The following ZC3HAV1 variants were observed in gnomAD, a reference collection of about 807,000 sequenced individuals.
ZC3HAV1 encodes zinc finger CCCH-type containing, antiviral 1.
ZC3HAV1 carries 41 observed loss-of-function variants against 86.6 expected under a neutral mutation model. The observed-to-expected ratio is 0.47, with a 90% CI of 0.37 to 0.61. ZC3HAV1 has a LOEUF of 0.61. ZC3HAV1 is among the 20% of genes least tolerant of loss of function. The probability of loss-of-function intolerance (pLI) is 0.00; values close to 1 mark genes in which losing one functional copy is unlikely to be tolerated. For missense variants in ZC3HAV1, 964 were observed against 1,141.1 expected (o/e 0.84, Z 2.24); for synonymous variants, 421 against 432.1 (o/e 0.97, Z 0.32).
rs1339096592 is a variant in ZC3HAV1 at position 139,080,020 on chromosome 7, C to T, written c.921G>A (p.Arg307=). ...FTYLGSQDRA[R]PPSGSSKATD... is the part of the protein sequence containing the mutation. Reference sequence around the variant, plus strand: ...TAGCCTTGGACGAGCCTGAGGGAGGCCGAGCGCGATCCTGACTCCCCAGAT... The same window carrying T: ...TAGCCTTGGACGAGCCTGAGGGAGGTCGAGCGCGATCCTGACTCCCCAGAT... The change falls in exon 4 of 13, where the codon CGG becomes CGA. Residue 307 remains arginine, a synonymous_variant. Transcript: ENST00000242351. The T allele has an allele frequency of 1.2e-6, 2 of 1,614,050 alleles. No individual in the cohort carries two copies. The highest frequency in any genetic ancestry group is 1.7e-6 in the Non-Finnish European group (2 of 1,180,036).
At chr7:139,101,513 A>T (rs1449706322) in intron 1 of ZC3HAV1, among the ~76,000 whole-genome samples, 1 of 31,846 alleles carries the variant, frequency 3.1e-5, no homozygotes, top group African/African-American at 1.2e-4. Flanking sequence ...TGGGAGGTGT[A>T]CCCAACAGCT....
intron 3 of ZC3HAV1, 22 bp downstream of exon 3, chr7:139,083,758 T>TTGAAAA: frequency 1.3e-6 from 2 of 1,547,744 alleles, no homozygotes; most frequent in Non-Finnish European, 1.7e-6. Flanking sequence ...GTTCACACAA[T>TTGAAAA]TGAAAAAGAA....
intron 3 of ZC3HAV1, among the ~76,000 whole-genome samples, chr7:139,081,378 C>T (rs1312558373): frequency 1.3e-5 from 2 of 152,076 alleles, no homozygotes; most frequent in East Asian, 1.9e-4. Flanking sequence ...CAAACACCCT[C>T]CTCCTGTCAA....
At position 139,079,672 on chromosome 7, in the gene ZC3HAV1, C is replaced by A. The variant is rs929363583; in HGVS notation, c.1269G>T (p.Gln423His). 20 of 1,614,042 alleles carry A rather than the reference C, an allele frequency of 1.2e-5. No homozygotes were observed. Among genetic ancestry groups the A allele is most frequent in the Non-Finnish European group, 1.6e-5 (19 of 1,180,040 alleles). The change falls in exon 4 of 13, where the codon CAG becomes CAT. Residue 423 changes from glutamine to histidine, a missense_variant. Gln to His is a conservative substitution (Grantham distance 24). Transcript: ENST00000242351. The part of the protein sequence containing the change: ...INGKSGTQDI[Q>H]PGPLFNNNAD... ...CATTATTATTAAAAAGAGGGCCAGG[C>A]TGGATGTCCTGAGTTCCACTTTTGC...
intron 1 of ZC3HAV1, among the ~76,000 whole-genome samples, chr7:139,101,484 G>GTTC (rs1563142337): frequency 5.8e-5 from 6 of 103,888 alleles, no homozygotes; most frequent in African/African-American, 1.1e-4. Flanking sequence ...GAGCGCCTCA[G>GTTC]CCCGGCCACC....
intron 1 of ZC3HAV1, among the ~76,000 whole-genome samples, chr7:139,094,168 G>A (rs1817513003): frequency 6.6e-6 from 1 of 152,128 alleles, no homozygotes; most frequent in African/African-American, 2.4e-5. Flanking sequence ...CTAGACAGGA[G>A]GTCCATTAGA....
chr7:139,101,256 T>A (rs866188824), intron 1 of ZC3HAV1, among the ~76,000 whole-genome samples: 2 of 151,050 alleles, frequency 1.3e-5, no homozygotes, highest in Admixed American at 6.6e-5. Flanking sequence ...GCCTCTGCCC[T>A]GCCGCCACCC....
At chr7:139,075,728 C>T (rs1816922061) in intron 6 of ZC3HAV1, among the ~76,000 whole-genome samples, 1 of 147,568 alleles carries the variant, frequency 6.8e-6, no homozygotes, top group East Asian at 1.9e-4. Flanking sequence ...GCATGAGCAA[C>T]CACGCTCGGC....
At chr7:139,079,015 C>A in intron 4 of ZC3HAV1, 1 of 1,489,376 alleles carries the variant, frequency 6.7e-7, no homozygotes, top group African/African-American at 1.4e-5. Flanking sequence ...CCTTTAAGAA[C>A]TGGGGAACAT....
intron 11 of ZC3HAV1, 117 bp downstream of exon 11, chr7:139,053,848 G>T: frequency 9.0e-7 from 1 of 1,113,926 alleles, no homozygotes; most frequent in Non-Finnish European, 1.2e-6. Context: ...AAAAAGACTA[G>T]CGCCTAAAGG....
intron 6 of ZC3HAV1, among the ~76,000 whole-genome samples, chr7:139,075,317 T>A (rs575478123): frequency 6.6e-6 from 1 of 152,178 alleles, no homozygotes; most frequent in Non-Finnish European, 1.5e-5. Flanking sequence ...TAATGTAACT[T>A]TTCCCCCTTA....
At chr7:139,053,908 A>G in intron 11 of ZC3HAV1, 57 bp downstream of exon 11, 2 of 1,570,906 alleles carry the variant, frequency 1.3e-6, no homozygotes, top group Non-Finnish European at 1.7e-6. Context: ...CAAAGGACGG[A>G]TATTAACTAA....
chr7:139,095,256 A>T (rs1333144213), intron 1 of ZC3HAV1, among the ~76,000 whole-genome samples: 2 of 151,986 alleles, frequency 1.3e-5, no homozygotes, highest in Admixed American at 6.6e-5. Flanking sequence ...CGAGGCTCCT[A>T]CTCCCCATAT....
intron 1 of ZC3HAV1, among the ~76,000 whole-genome samples, chr7:139,104,766 G>A (rs141343772): frequency 4.1e-4 from 61 of 149,176 alleles, no homozygotes; most frequent in Admixed American, 2.4e-3. Context: ...GGCCGGGAGC[G>A]GTGGCTCATG....
chr7:139,085,557 G>T (rs1817249513), intron 2 of ZC3HAV1, among the ~76,000 whole-genome samples: 1 of 152,178 alleles, frequency 6.6e-6, no homozygotes, highest in African/African-American at 2.4e-5. Flanking sequence ...AATGTTAGTT[G>T]AATGAATGCA....
At chr7:139,099,973 A>C (rs1289816203) in intron 1 of ZC3HAV1, among the ~76,000 whole-genome samples, 1 of 152,016 alleles carries the variant, frequency 6.6e-6, no homozygotes, top group Non-Finnish European at 1.5e-5. Context: ...TAAAATAAAT[A>C]GTTTTAGCCA....
Position 139,051,247 on chromosome 7 carries a change from G to C in ZC3HAV1, c.2449+2204C>G, listed in dbSNP as rs535656617. 6.6e-5 allele frequency among the ~76,000 whole-genome samples: 10 copies of C among 151,744 alleles called. No homozygotes were observed. In the South Asian group the frequency reaches 1.0e-3, roughly 16 times the overall value. ...TAATTTTTGTATTTTTAGTAGAAAC[G>C]GGGTTTCACCATGTTGACCAGGCTG... On this transcript the variant is annotated intron_variant, in intron 12 of 12. Coordinates refer to ENST00000242351, the MANE Select transcript of ZC3HAV1 (RefSeq NM_020119.4).
chr7:139,097,450 T>TTTTTTTTTTTTTG, intron 1 of ZC3HAV1, among the ~76,000 whole-genome samples: 1 of 125,704 alleles, frequency 8.0e-6, no homozygotes, highest in Admixed American at 7.9e-5. Flanking sequence ...TTTTTTTTTC[T>TTTTTTTTTTTTTG]TTGAGATGGA....
At chr7:139,075,613 T>C (rs1239540036) in intron 6 of ZC3HAV1, among the ~76,000 whole-genome samples, 1 of 152,042 alleles carries the variant, frequency 6.6e-6, no homozygotes, top group African/African-American at 2.4e-5. Flanking sequence ...CTAGTTTTTG[T>C]ATTGTTGGTA....
Sources: allele counts gnomAD v4.1 joint callset (sites outside exome capture counted in the v4.1 genomes callset), GRCh38; gene constraint gnomAD v4.1.1; transcripts MANE v1.5; gene names NCBI Gene and HGNC (gene_info 2026-07-23, HGNC 2026-07-21).